The following ADGB variants were observed in gnomAD, a reference collection of about 807,000 sequenced individuals.
ADGB encodes the protein androglobin.
A neutral mutation model predicts 210.5 loss-of-function variants in ADGB; 172 were observed. That is an observed-to-expected ratio of 0.82 (90% CI 0.72 to 0.93). ADGB has a LOEUF of 0.93. Among genes scored for constraint, ADGB ranks in the 40% least tolerant of loss-of-function variants. ADGB has a pLI of 0.00. For missense variants in ADGB, 2,025 were observed against 1,964.8 expected, an observed-to-expected ratio of 1.03 and a Z score of -0.58; for synonymous variants, 658 against 662.7, an observed-to-expected ratio of 0.99 and a Z score of 0.11.
intron 25 of ADGB, among the ~76,000 whole-genome samples, chr6:146,745,373 C>A (rs768873559): frequency 6.6e-6 from 1 of 152,184 alleles, no homozygotes; most frequent in African/African-American, 2.4e-5. Context: ...AAGCCATTCC[C>A]AGGCTCTTGA....
intron 1 of ADGB, among the ~76,000 whole-genome samples, chr6:146,608,315 GA>G (rs375465829): frequency 6.6e-6 from 1 of 151,316 alleles, no homozygotes; most frequent in Non-Finnish European, 1.5e-5. Context: ...TATTTTTTCT[GA>G]AAAAAGAACT....
chr6:146,710,602 A>T (rs117523077), intron 13 of ADGB, among the ~76,000 whole-genome samples: 2,221 of 152,266 alleles, frequency 0.015, 24 homozygotes, highest in Middle Eastern at 0.024. Flanking sequence ...ACATCATCAC[A>T]TACAGATGAA....
chr6:146,696,403 G>A (rs1776403762), intron 12 of ADGB, among the ~76,000 whole-genome samples: 1 of 151,578 alleles, frequency 6.6e-6, no homozygotes, highest in Admixed American at 6.6e-5. Flanking sequence ...GATAAATTTT[G>A]AATTGGTTGA....
chr6:146,795,819 G>A (rs1192804672), intron 33 of ADGB, among the ~76,000 whole-genome samples: 1 of 152,040 alleles, frequency 6.6e-6, no homozygotes, highest in Non-Finnish European at 1.5e-5. Context: ...GCACTACTCA[G>A]AATAGCAAAG....
chr6:146,774,450 G>A (rs1777694503), intron 29 of ADGB, among the ~76,000 whole-genome samples: 1 of 152,120 alleles, frequency 6.6e-6, no homozygotes. Context: ...ATGACCAGCT[G>A]CTAAAATTAA....
intron 35 of ADGB, among the ~76,000 whole-genome samples, chr6:146,805,733 A>G (rs1778202761): frequency 1.3e-5 from 2 of 152,090 alleles, no homozygotes; most frequent in Admixed American, 1.3e-4. Flanking sequence ...TCCTTTTATG[A>G]GATCTCTTAT....
intron 9 of ADGB, among the ~76,000 whole-genome samples, chr6:146,676,723 C>T (rs571345424): frequency 6.6e-6 from 1 of 152,088 alleles, no homozygotes; most frequent in Non-Finnish European, 1.5e-5. Context: ...AAAAAATACT[C>T]AGGTTGAATT....
chr6:146,706,138 C>T (rs1048662910), intron 13 of ADGB, among the ~76,000 whole-genome samples: 1 of 151,656 alleles, frequency 6.6e-6, no homozygotes, highest in African/African-American at 2.4e-5. Context: ...GTTGCCTAGG[C>T]TAGTCTCAAA....
chr6:146,650,841 A>G (rs1169315853), intron 3 of ADGB, among the ~76,000 whole-genome samples: 1 of 152,162 alleles, frequency 6.6e-6, no homozygotes, highest in African/African-American at 2.4e-5. Context: ...AATCCCTGAA[A>G]GGGGTTACTG....
intron 20 of ADGB, among the ~76,000 whole-genome samples, chr6:146,730,228 C>G (rs1776959345): frequency 6.6e-6 from 1 of 152,026 alleles, no homozygotes; most frequent in South Asian, 2.1e-4. Context: ...GGAAATATAA[C>G]TAGAAATAAA....
intron 3 of ADGB, among the ~76,000 whole-genome samples, chr6:146,650,364 G>T (rs1467071243): frequency 6.6e-6 from 1 of 151,902 alleles, no homozygotes; most frequent in East Asian, 1.9e-4. Context: ...AGGCAGAAAA[G>T]AAAAGAGAAA....
chr6:146,611,026 G>C (rs1780701177), intron 1 of ADGB, among the ~76,000 whole-genome samples: 1 of 152,122 alleles, frequency 6.6e-6, no homozygotes, highest in Non-Finnish European at 1.5e-5. Flanking sequence ...AAGCACATTG[G>C]TATGGCAGTC....
intron 23 of ADGB, among the ~76,000 whole-genome samples, chr6:146,736,969 C>A (rs186756060): frequency 6.6e-6 from 1 of 151,678 alleles, no homozygotes; most frequent in Non-Finnish European, 1.5e-5. Flanking sequence ...AGAGGTAGAT[C>A]GAACCTTAAA....
intron 9 of ADGB, among the ~76,000 whole-genome samples, chr6:146,676,700 C>A (rs1010207364): frequency 6.6e-6 from 1 of 152,100 alleles, no homozygotes; most frequent in Non-Finnish European, 1.5e-5. Flanking sequence ...TGGTCGCTTT[C>A]AGGTATTTCT....
At chr6:146,677,893 T>C (rs1298142713) in intron 9 of ADGB, among the ~76,000 whole-genome samples, 3 of 152,212 alleles carry the variant, frequency 2.0e-5, no homozygotes, top group Non-Finnish European at 4.4e-5. Flanking sequence ...TGAATCCAGG[T>C]AAAGTGCTTA....
intron 13 of ADGB, among the ~76,000 whole-genome samples, chr6:146,701,328 T>G (rs1175314363): frequency 6.6e-6 from 1 of 152,084 alleles, no homozygotes; most frequent in Non-Finnish European, 1.5e-5. Context: ...CAACTTCATA[T>G]TTTTCTCATT....
At chr6:146,813,417 G>A (rs1268167845) in intron 35 of ADGB, among the ~76,000 whole-genome samples, 1 of 151,514 alleles carries the variant, frequency 6.6e-6, no homozygotes, top group Non-Finnish European at 1.5e-5. Flanking sequence ...AATCCTGCTG[G>A]TTGTCTGTAT....
chr6:146,739,633 T>G (rs573867654), intron 23 of ADGB, among the ~76,000 whole-genome samples: 27 of 152,262 alleles, frequency 1.8e-4, no homozygotes, highest in African/African-American at 6.3e-4. Flanking sequence ...CCACTGACAA[T>G]CGATGAAAAC....
intron 20 of ADGB, among the ~76,000 whole-genome samples, chr6:146,731,397 C>T (rs1776985421): frequency 6.6e-6 from 1 of 151,612 alleles, no homozygotes; most frequent in Non-Finnish European, 1.5e-5. Flanking sequence ...CTACCACTGG[C>T]CTTGAGGCCG....
Sources: allele counts gnomAD v4.1 joint callset (sites outside exome capture counted in the v4.1 genomes callset), GRCh38; gene constraint gnomAD v4.1.1; transcripts MANE v1.5; gene names NCBI Gene and HGNC (gene_info 2026-07-23, HGNC 2026-07-21).